The following PDZK1IP1 variants were observed in gnomAD, a reference collection of about 807,000 sequenced individuals.
PDZK1IP1 encodes the protein PDZK1 interacting protein 1.
A neutral mutation model predicts 14.7 loss-of-function variants in PDZK1IP1; 9 were observed. The ratio of observed to expected loss-of-function variants is 0.61; its 90% CI spans 0.37 to 1.07. The LOEUF (loss-of-function observed/expected upper bound fraction) is 1.07. Ranked by LOEUF, PDZK1IP1 falls within the 50% of genes least tolerant of loss-of-function variation. The probability of loss-of-function intolerance (pLI) is 0.01; values close to 1 mark genes in which losing one functional copy is unlikely to be tolerated. For synonymous variants in PDZK1IP1, 70 were observed against 61.2 expected, an observed-to-expected ratio of 1.14 and a Z score of -0.67; for missense variants, 152 against 148.7, an observed-to-expected ratio of 1.02 and a Z score of -0.11.
chr1:47,187,152 G>T (rs1052431077), intron 2 of PDZK1IP1, among the ~76,000 whole-genome samples, 167 bp downstream of exon 2: 2 of 151,800 alleles, frequency 1.3e-5, no homozygotes, highest in African/African-American at 2.4e-5. Context: ...CCCTCATCCC[G>T]ACTGTCACCA....
rs1306501196 is a variant in PDZK1IP1 at position 47,187,427 on chromosome 1, C to A, written c.68G>T (p.Gly23Val). Residue 23 changes from glycine to valine, a missense_variant and splice_region_variant, in exon 2 of 4, where the codon GGC becomes GTC. Coordinates refer to ENST00000294338, the MANE Select transcript of PDZK1IP1 (RefSeq NM_005764.4). Reference sequence around the variant, plus strand: ...CATCCAGGGCTGAAGGTTCCCCAGGCCTAACAAAGGGAGAGGGGCTGTAGC... The same window carrying A: ...CATCCAGGGCTGAAGGTTCCCCAGGACTAACAAAGGGAGAGGGGCTGTAGC... ...TAVPPASCQQ[G>V]LGNLQPWMQG... 6.2e-7 allele frequency: 1 copy of A among 1,611,898 alleles called. No individual in the cohort carries two copies. The highest frequency in any genetic ancestry group is 8.5e-7 in the Non-Finnish European group (1 of 1,179,192).
At chr1:47,186,118 G>T (rs1011656831) in intron 2 of PDZK1IP1, among the ~76,000 whole-genome samples, 3 of 152,098 alleles carry the variant, frequency 2.0e-5, no homozygotes, top group Non-Finnish European at 4.4e-5. Flanking sequence ...AGACCAGCCT[G>T]GCCAACAGAG....
intron 2 of PDZK1IP1, 163 bp from the exon 3 acceptor site, chr1:47,185,260 G>A (rs1557660898): frequency 4.9e-6 from 3 of 618,004 alleles, no homozygotes; most frequent in Non-Finnish European, 8.7e-6. Flanking sequence ...CCCACCCATG[G>A]GGTCTCTCAC....
rs918287776 is a variant in PDZK1IP1, at chr1:47,183,853, C to T, written c.*118G>A. The T allele has an allele frequency of 3.5e-6, 3 of 861,278 alleles. No individual in the cohort carries two copies. In the African/African-American group the frequency reaches 5.0e-5, roughly 14 times the overall value. The allele number at this position is 861,278 out of a possible 1,614,324, so 53.4% of individuals were successfully genotyped here. Reference sequence around the variant, plus strand: ...AAGGGCGGGTAGGGCCGGCATGGGGCTGGAGGGAGTCAGCCCACTATTGCA... The same window carrying T: ...AAGGGCGGGTAGGGCCGGCATGGGGTTGGAGGGAGTCAGCCCACTATTGCA... On this transcript the variant is annotated 3_prime_UTR_variant, in exon 4 of 4. Coordinates refer to ENST00000294338, the MANE Select transcript of PDZK1IP1 (RefSeq NM_005764.4).
intron 3 of PDZK1IP1, 56 bp from the exon 4 acceptor site, chr1:47,184,099 T>C: frequency 7.6e-7 from 1 of 1,311,312 alleles, no homozygotes; most frequent in Non-Finnish European, 1.1e-6. Flanking sequence ...TCTATCCCCT[T>C]CTCCCTGCCC....
chr1:47,188,948 G>A (rs1645336341), intron 1 of PDZK1IP1, among the ~76,000 whole-genome samples: 1 of 152,268 alleles, frequency 6.6e-6, no homozygotes, highest in South Asian at 2.1e-4. Flanking sequence ...ATTCTCTCCA[G>A]TCACCCCAGG....
In PDZK1IP1 at chr1:47,187,372, C is replaced by A; in HGVS notation, c.123G>T (p.Leu41=). Residue 41 remains leucine (L), a synonymous_variant, in exon 2 of 4, where the codon CTG becomes CTT. Transcript: ENST00000294338. ...MQGLIAVAVF[L]VLVAIAFAVN... ...CTGCAAAGGCGATTGCAACGAGGAC[C>A]AGGAACACGGCCACCGCGATAAGGC... 6.2e-7 allele frequency: 1 copy of A among 1,612,864 alleles called. No individual in the cohort carries two copies. Among genetic ancestry groups the A allele is most frequent in the Non-Finnish European group, 8.5e-7 (1 of 1,179,968 alleles).
At chr1:47,189,101 A>G (rs1645337453) in intron 1 of PDZK1IP1, among the ~76,000 whole-genome samples, 1 of 151,424 alleles carries the variant, frequency 6.6e-6, no homozygotes, top group Non-Finnish European at 1.5e-5. Flanking sequence ...GAGGGCTTCC[A>G]AGACCTGGGA....
In PDZK1IP1 at chr1:47,187,314, C is replaced by T. The variant is rs749117898; in HGVS notation, c.176+5G>A. 11 of 1,609,534 alleles carry T rather than the reference C, an allele frequency of 6.8e-6. No individual in the cohort carries two copies. The South Asian group carries it at 1.2e-4, about 18-fold the overall frequency. Reference sequence around the variant, plus strand: ...CCTGCTCAGGGACCCTTGGGCAGCACTCACGGCTCCTCCTGGCACCAGAAG... The same window carrying T: ...CCTGCTCAGGGACCCTTGGGCAGCATTCACGGCTCCTCCTGGCACCAGAAG... On this transcript the variant is annotated splice_donor_5th_base_variant and intron_variant, in intron 2 of 3. Transcript: ENST00000294338.
chr1:47,186,918 T>C (rs1223384052), intron 2 of PDZK1IP1, among the ~76,000 whole-genome samples: 1 of 152,130 alleles, frequency 6.6e-6, no homozygotes, highest in Non-Finnish European at 1.5e-5. Context: ...GGTGTGTCTG[T>C]CCCATGCCCT....
intron 1 of PDZK1IP1, 23 bp downstream of exon 1, chr1:47,189,843 C>T: frequency 6.4e-7 from 1 of 1,573,010 alleles, no homozygotes. Context: ...TCTCCCGTGC[C>T]CAGCCCTCTC....
At chr1:47,184,526 T>C (rs1490592551) in intron 3 of PDZK1IP1, among the ~76,000 whole-genome samples, 5 of 20,542 alleles carry the variant, frequency 2.4e-4, no homozygotes, top group East Asian at 1.6e-3. Flanking sequence ...CATCCCCCAC[T>C]GAGCTCCATC....
At chr1:47,187,593 C>G (rs1198182560) in intron 1 of PDZK1IP1, among the ~76,000 whole-genome samples, 166 bp from the exon 2 acceptor site, 2 of 152,224 alleles carry the variant, frequency 1.3e-5, no homozygotes, top group African/African-American at 4.8e-5. Context: ...TACAGCCCAT[C>G]TGACCCACTT....
chr1:47,187,479 T>A, intron 1 of PDZK1IP1, 52 bp from the exon 2 acceptor site: 1 of 1,438,636 alleles, frequency 7.0e-7, no homozygotes, highest in Non-Finnish European at 9.8e-7. Context: ...GGGCTGCATG[T>A]GCAGGAGAGC....
rs201952169 is a variant in PDZK1IP1 at position 47,187,320 on chromosome 1, G to T, written c.175C>A (p.Pro59Thr). Reference sequence around the variant, plus strand: ...CAGGGACCCTTGGGCAGCACTCACGGCTCCTCCTGGCACCAGAAGTGGTTG... The same window carrying T: ...CAGGGACCCTTGGGCAGCACTCACGTCTCCTCCTGGCACCAGAAGTGGTTG... ...AVNHFWCQEE[P>T]EPAHMILTVG... Residue 59 changes from proline to threonine, a missense_variant and splice_region_variant, in exon 2 of 4, where the codon CCG (proline) becomes ACG (threonine). By Grantham distance (38) the Pro-to-Thr change is conservative. Coordinates refer to ENST00000294338, the MANE Select transcript of PDZK1IP1 (RefSeq NM_005764.4). The T allele has an allele frequency of 5.6e-6, 9 of 1,610,872 alleles. No homozygotes were observed. The East Asian group carries it at 2.0e-4, about 36-fold the overall frequency.
At chr1:47,184,193 T>G in intron 3 of PDZK1IP1, 150 bp from the exon 4 acceptor site, 1 of 663,202 alleles carries the variant, frequency 1.5e-6, no homozygotes, top group Non-Finnish European at 2.7e-6. Flanking sequence ...TCTGGGCTTA[T>G]GCATCCGAGA....
At chr1:47,187,523 C>A in intron 1 of PDZK1IP1, 96 bp from the exon 2 acceptor site, 1 of 947,974 alleles carries the variant, frequency 1.1e-6, no homozygotes, top group Non-Finnish European at 1.7e-6. Flanking sequence ...CCCACCTATG[C>A]TGAAGGCCCT....
chr1:47,184,979 G>C (rs764192218), intron 3 of PDZK1IP1, 23 bp downstream of exon 3: 3 of 1,584,330 alleles, frequency 1.9e-6, no homozygotes, highest in Non-Finnish European at 2.6e-6. Flanking sequence ...GCACAGACCG[G>C]GCAGCCCTGC....
intron 2 of PDZK1IP1, among the ~76,000 whole-genome samples, chr1:47,186,233 G>A (rs1251871058): frequency 1.3e-5 from 2 of 152,004 alleles, no homozygotes; most frequent in African/African-American, 2.4e-5. Flanking sequence ...GCTTGAACCC[G>A]GGAGGCAGAA....
Sources: allele counts gnomAD v4.1 joint callset (sites outside exome capture counted in the v4.1 genomes callset), GRCh38; gene constraint gnomAD v4.1.1; transcripts MANE v1.5; gene names NCBI Gene and HGNC (gene_info 2026-07-23, HGNC 2026-07-21).